Variants in RBFOX1 observed in about 807,000 individuals in gnomAD.
RBFOX1 encodes RNA binding protein fox-1 homolog 1.
RBFOX1 carries 8 observed loss-of-function variants against 57.7 expected under a neutral mutation model. That is an observed-to-expected ratio of 0.14 (90% CI 0.08 to 0.25). The LOEUF (loss-of-function observed/expected upper bound fraction) is 0.25, where lower values mean the gene tolerates loss of function less well. RBFOX1 is among the 10% of genes least tolerant of loss of function. RBFOX1 has a pLI of 1.00. For missense variants in RBFOX1, 611 were observed against 548.5 expected, an observed-to-expected ratio of 1.11 and a Z score of -1.14; for synonymous variants, 326 against 222.4, an observed-to-expected ratio of 1.47 and a Z score of -4.15.
chr16:7,135,379 A>G (rs939856960), intron 4 of RBFOX1, among the ~76,000 whole-genome samples: 1 of 152,232 alleles, frequency 6.6e-6, no homozygotes, highest in Non-Finnish European at 1.5e-5. Flanking sequence ...CAGCAGAACA[A>G]TTTATTTTCA....
chr16:6,029,666 G>A (rs866474952), intron 1 of RBFOX1, among the ~76,000 whole-genome samples: 13 of 150,152 alleles, frequency 8.7e-5, no homozygotes, highest in East Asian at 2.0e-4. Flanking sequence ...CCAGCTACTC[G>A]GAAGGCTGAG....
chr16:6,856,046 A>G (rs754954122), intron 3 of RBFOX1, among the ~76,000 whole-genome samples: 12 of 151,706 alleles, frequency 7.9e-5, no homozygotes, highest in African/African-American at 1.2e-4. Flanking sequence ...CTCATGGTAT[A>G]TGTCTCTCTG....
At chr16:6,989,734 T>G (rs969177320) in intron 3 of RBFOX1, among the ~76,000 whole-genome samples, 7 of 152,172 alleles carry the variant, frequency 4.6e-5, no homozygotes, top group African/African-American at 1.7e-4. Context: ...GTGCTGTGGC[T>G]CACACCTGTA....
At chr16:6,680,941 T>C (rs1208879779) in intron 3 of RBFOX1, among the ~76,000 whole-genome samples, 1 of 152,208 alleles carries the variant, frequency 6.6e-6, no homozygotes, top group Non-Finnish European at 1.5e-5. Flanking sequence ...TTGAGCTGCA[T>C]GATAATTGGG....
chr16:5,901,111 C>T (rs780162280), intron 4 of RBFOX1, among the ~76,000 whole-genome samples: 9 of 152,112 alleles, frequency 5.9e-5, no homozygotes, highest in South Asian at 2.1e-4. Flanking sequence ...GAAACGGAGA[C>T]GCGTGTTGAT....
At chr16:5,454,979 C>CT (rs2068578766) in intron 1 of RBFOX1, among the ~76,000 whole-genome samples, 1 of 88,446 alleles carries the variant, frequency 1.1e-5, no homozygotes, top group African/African-American at 4.0e-5. Context: ...TTCTTTCTTT[C>CT]TTTCTTTCTT....
intron 4 of RBFOX1, among the ~76,000 whole-genome samples, chr16:7,167,098 G>A (rs189347701): frequency 1.1e-4 from 16 of 145,110 alleles, no homozygotes; most frequent in African/African-American, 3.6e-4. Flanking sequence ...CGATTCTCCT[G>A]CCTCAGCCTC....
At chr16:5,910,126 G>C (rs1026571829) in intron 4 of RBFOX1, among the ~76,000 whole-genome samples, 1 of 152,046 alleles carries the variant, frequency 6.6e-6, no homozygotes, top group Non-Finnish European at 1.5e-5. Context: ...CCACCAACCT[G>C]CTCAGAGGCA....
intron 1 of RBFOX1, among the ~76,000 whole-genome samples, chr16:5,391,301 G>A (rs1419453018): frequency 6.6e-6 from 1 of 151,756 alleles, no homozygotes; most frequent in Non-Finnish European, 1.5e-5. Context: ...TAAAATCAAA[G>A]CATCAGTGGG....
chr16:7,700,730 A>G (rs919438390), intron 14 of RBFOX1, among the ~76,000 whole-genome samples: 4 of 152,176 alleles, frequency 2.6e-5, no homozygotes, highest in African/African-American at 9.7e-5. Flanking sequence ...TTCATCACCA[A>G]AAGTGGGACT....
At chr16:5,917,384 AG>A (rs2058729372) in intron 4 of RBFOX1, among the ~76,000 whole-genome samples, 1 of 152,210 alleles carries the variant, frequency 6.6e-6, no homozygotes, top group South Asian at 2.1e-4. Context: ...TCCTCCCAAC[AG>A]CCTAAGAGAT....
In RBFOX1 at chr16:7,671,326, T is replaced by A. The variant is rs61689066; in HGVS notation, c.931-5448T>A. Among the ~76,000 whole-genome samples, 662 of 152,278 alleles carry A rather than the reference T, an allele frequency of 4.3e-3. 4 individuals are homozygous for A. Among genetic ancestry groups the A allele is most frequent in the African/African-American group, 0.015 (644 of 41,560 alleles). ...AATAAACACAAGTTATAACACAAAG[T>A]GGTTTGATCCCCATCTCCACCTTGA... On this transcript the variant is annotated intron_variant, in intron 13 of 15. Coordinates refer to ENST00000550418, the MANE Select transcript of RBFOX1 (RefSeq NM_018723.4).
chr16:7,668,958 C>T (rs946916609), intron 13 of RBFOX1, among the ~76,000 whole-genome samples: 2 of 152,170 alleles, frequency 1.3e-5, no homozygotes, highest in Non-Finnish European at 2.9e-5. Flanking sequence ...GGCTGGAGCA[C>T]AGTAGCACGA....
chr16:7,558,490 CAT>C (rs1436394676), intron 5 of RBFOX1, among the ~76,000 whole-genome samples: 2 of 151,860 alleles, frequency 1.3e-5, no homozygotes, highest in Non-Finnish European at 2.9e-5. Flanking sequence ...CATGTGTACA[CAT>C]ATTTTCGTAT....
At chr16:5,895,026 A>T (rs1377509291) in intron 4 of RBFOX1, among the ~76,000 whole-genome samples, 1 of 152,068 alleles carries the variant, frequency 6.6e-6, no homozygotes, top group Non-Finnish European at 1.5e-5. Flanking sequence ...CCGTCTAAAA[A>T]AAAATAAAGA....
intron 2 of RBFOX1, among the ~76,000 whole-genome samples, chr16:6,436,971 C>T (rs755247786): frequency 1.3e-5 from 2 of 152,100 alleles, no homozygotes; most frequent in African/African-American, 4.8e-5. Context: ...GCCCAGAATC[C>T]GAGATGTCTA....
chr16:7,497,486 C>A (rs1600038961), intron 4 of RBFOX1, among the ~76,000 whole-genome samples: 1 of 152,290 alleles, frequency 6.6e-6, no homozygotes, highest in Non-Finnish European at 1.5e-5. Flanking sequence ...ATGACACTTG[C>A]TTTGATCATC....
At chr16:6,329,223 C>T (rs1382171837) in intron 2 of RBFOX1, among the ~76,000 whole-genome samples, 2 of 152,200 alleles carry the variant, frequency 1.3e-5, no homozygotes, top group African/African-American at 2.4e-5. Context: ...TAACAGCTAA[C>T]ATGGTGGAAG....
In RBFOX1 at chr16:5,695,434, G is replaced by A. The variant is rs1325393757; in HGVS notation, c.318+96473G>A. On this transcript the variant is annotated intron_variant, in intron 3 of 19. Transcript: ENST00000641259. ...AGAATCTCTAAAAAACCACTCTTTT[G>A]TAGGTCCTAATTAAATAATGAAGCT... Among the ~76,000 whole-genome samples, 4 of 152,178 alleles carry A rather than the reference G, an allele frequency of 2.6e-5. No individual in the cohort carries two copies. The South Asian group carries it at 6.2e-4, about 24-fold the overall frequency.
Sources: allele counts gnomAD v4.1 joint callset (sites outside exome capture counted in the v4.1 genomes callset), GRCh38; gene constraint gnomAD v4.1.1; transcripts MANE v1.5; gene names NCBI Gene and HGNC (gene_info 2026-07-23, HGNC 2026-07-21).